Variants in LGSN observed in about 807,000 individuals in gnomAD.
The protein encoded by LGSN is lengsin, lens protein with glutamine synthetase domain, also known as lengsin.
A neutral mutation model predicts 19.5 loss-of-function variants in LGSN; 21 were observed. The ratio of observed to expected loss-of-function variants is 1.07; its 90% CI spans 0.76 to 1.55. The LOEUF is 1.55. Ranked by LOEUF, LGSN falls within the 40% of genes most tolerant of loss-of-function variation. The probability of loss-of-function intolerance (pLI) is 0.00; values close to 1 mark genes in which losing one functional copy is unlikely to be tolerated. For synonymous variants in LGSN, 257 were observed against 215.6 expected (o/e 1.19, Z -1.68); for missense variants, 673 against 608.5 (o/e 1.11, Z -1.12).
At chr6:63,379,368 A>G in the LGSN span, among the ~76,000 whole-genome samples, 1 of 152,116 alleles carries the variant, frequency 6.6e-6, no homozygotes, top group East Asian at 1.9e-4. Flanking sequence ...TTCTAGACAC[A>G]AGCCTCAGCA....
At chr6:63,361,245 C>G in the LGSN span, among the ~76,000 whole-genome samples, 1 of 152,214 alleles carries the variant, frequency 6.6e-6, no homozygotes, top group Non-Finnish European at 1.5e-5. Flanking sequence ...TTATGCCCTG[C>G]CCCCTGAGGT....
At chr6:63,455,374 A>G in the LGSN span, among the ~76,000 whole-genome samples, 1 of 152,252 alleles carries the variant, frequency 6.6e-6, no homozygotes, top group African/African-American at 2.4e-5. Context: ...TACAAAGAAC[A>G]ATGCATAGCC....
At chr6:63,285,372 G>A (rs919174558) in intron 3 of LGSN, among the ~76,000 whole-genome samples, 1 of 152,138 alleles carries the variant, frequency 6.6e-6, no homozygotes, top group African/African-American at 2.4e-5. Context: ...TTTCTATTGG[G>A]TAAAGAAATT....
the LGSN span, among the ~76,000 whole-genome samples, chr6:63,363,095 G>T: frequency 6.6e-6 from 1 of 152,298 alleles, no homozygotes; most frequent in African/African-American, 2.4e-5. Flanking sequence ...GTCTGGAGTG[G>T]ACCTCCAGCA....
At chr6:63,463,570 T>C in the LGSN span, among the ~76,000 whole-genome samples, 1 of 152,218 alleles carries the variant, frequency 6.6e-6, no homozygotes, top group Non-Finnish European at 1.5e-5. Context: ...TAATACTTTA[T>C]GGTCTTGCAA....
the LGSN span, among the ~76,000 whole-genome samples, chr6:63,525,593 C>T: frequency 7.4e-4 from 113 of 152,306 alleles, no homozygotes; most frequent in Non-Finnish European, 1.4e-3. Flanking sequence ...CTCTCCTCTG[C>T]GTTCTGAAGC....
At chr6:63,413,553 C>T in the LGSN span, among the ~76,000 whole-genome samples, 16 of 152,238 alleles carry the variant, frequency 1.1e-4, no homozygotes, top group Admixed American at 8.5e-4. Flanking sequence ...AATAGAGATT[C>T]CTGTGCTGTA....
At chr6:63,517,711 C>G in the LGSN span, among the ~76,000 whole-genome samples, 1 of 152,030 alleles carries the variant, frequency 6.6e-6, no homozygotes, top group African/African-American at 2.4e-5. Context: ...ATCTATAATT[C>G]CACAATATGT....
the LGSN span, among the ~76,000 whole-genome samples, chr6:63,334,903 C>T: frequency 1.3e-5 from 2 of 151,856 alleles, no homozygotes; most frequent in Non-Finnish European, 2.9e-5. Context: ...CTTTGGGAGG[C>T]TGAGGAGGAT....
upstream of LGSN, among the ~76,000 whole-genome samples, chr6:63,322,907 A>C (rs1769118533): frequency 1.3e-5 from 2 of 152,252 alleles, no homozygotes. Context: ...TGTTTCAGAA[A>C]GGGAATTTCT....
At chr6:63,288,484 A>G (rs1223320245) in intron 2 of LGSN, among the ~76,000 whole-genome samples, 2 of 151,722 alleles carry the variant, frequency 1.3e-5, no homozygotes, top group Admixed American at 6.6e-5. Context: ...AACCATAATC[A>G]CCTGAAGTAT....
chr6:63,280,139 C>G lies in LGSN; in HGVS notation c.1412G>C (p.Cys471Ser). ...DALVALEEDQ[C>S]LRQALGETFI... The stretch of plus-strand genomic sequence containing the variant: ...GGTTTCTCCTAGAGCCTGTCTCAGG[C>G]ATTGATCTTCTTCCAGTGCCACAAG... The change falls in exon 4 of 4, where the codon TGC becomes TCC. Residue 471 changes from cysteine to serine, a missense_variant. Physicochemically the swap from Cys to Ser is moderately radical, Grantham distance 112. Transcript: ENST00000370657. 16 of 1,614,232 alleles carry G rather than the reference C, an allele frequency of 9.9e-6. No individual in the cohort carries two copies. Among genetic ancestry groups the G allele is most frequent in the Non-Finnish European group, 1.4e-5 (16 of 1,180,042 alleles).
the LGSN span, among the ~76,000 whole-genome samples, chr6:63,487,291 G>T: frequency 6.6e-6 from 1 of 152,056 alleles, no homozygotes; most frequent in Non-Finnish European, 1.5e-5. Context: ...TCTTGATCAG[G>T]AAACAAATCT....
the LGSN span, among the ~76,000 whole-genome samples, chr6:63,328,240 G>C: frequency 6.6e-6 from 1 of 152,120 alleles, no homozygotes; most frequent in African/African-American, 2.4e-5. Context: ...TGGTATATAG[G>C]TTAAGGTCAG....
At chr6:63,434,253 A>G in the LGSN span, among the ~76,000 whole-genome samples, 1 of 152,062 alleles carries the variant, frequency 6.6e-6, no homozygotes, top group Non-Finnish European at 1.5e-5. Flanking sequence ...AGCCTGGCCA[A>G]CATGGTGAAA....
the LGSN span, among the ~76,000 whole-genome samples, chr6:63,415,425 T>TA: frequency 6.6e-6 from 1 of 152,188 alleles, no homozygotes; most frequent in African/African-American, 2.4e-5. Context: ...TTAGGAAACT[T>TA]ACAATTATAG....
chr6:63,422,849 A>G, the LGSN span, among the ~76,000 whole-genome samples: 2 of 152,324 alleles, frequency 1.3e-5, no homozygotes, highest in East Asian at 3.9e-4. Context: ...AAAATGGCAG[A>G]CTTCACTCCT....
chr6:63,504,224 C>T, the LGSN span, among the ~76,000 whole-genome samples: 1 of 146,404 alleles, frequency 6.8e-6, no homozygotes, highest in East Asian at 2.0e-4. Context: ...GAAGCCTCTT[C>T]CTCCCTGGTT....
the LGSN span, among the ~76,000 whole-genome samples, chr6:63,432,167 A>AAGAAAGAAAGAG: frequency 9.9e-6 from 1 of 101,402 alleles, no homozygotes; most frequent in Non-Finnish European, 1.9e-5. Context: ...GAAAGAAAGA[A>AAGAAAGAAAGAG]AGAAAAGGAA....
Sources: allele counts gnomAD v4.1 joint callset (sites outside exome capture counted in the v4.1 genomes callset), GRCh38; gene constraint gnomAD v4.1.1; transcripts MANE v1.5; gene names NCBI Gene and HGNC (gene_info 2026-07-23, HGNC 2026-07-21).